The following REEP4 variants were observed in gnomAD, a reference collection of about 807,000 sequenced individuals.
The protein encoded by REEP4 is receptor expression-enhancing protein 4.
REEP4 carries 17 observed loss-of-function variants against 33.5 expected under a neutral mutation model. That is an observed-to-expected ratio of 0.51 (90% CI 0.35 to 0.76). The LOEUF is 0.76. REEP4 is among the 30% of genes least tolerant of loss of function. REEP4 has a pLI of 0.01. For synonymous variants in REEP4, 157 were observed against 142.9 expected (o/e 1.10, Z -0.70); for missense variants, 340 against 357.9 (o/e 0.95, Z 0.40).
intron 7 of REEP4, 28 bp from the exon 8 acceptor site, chr8:22,138,580 G>A (rs747540822): frequency 1.9e-6 from 3 of 1,613,928 alleles, no homozygotes; most frequent in East Asian, 2.2e-5. Flanking sequence ...ACAGCATGAG[G>A]GTGTGGGGAG....
chr8:22,140,556 G>T, intron 2 of REEP4, 69 bp downstream of exon 2: 1 of 1,375,152 alleles, frequency 7.3e-7, no homozygotes, highest in Non-Finnish European at 1.0e-6. Context: ...CCTGGAGGAG[G>T]GAGAGGCCAA....
intron 4 of REEP4, 192 bp from the exon 5 acceptor site, chr8:22,139,721 C>CA (rs1306999540): frequency 3.0e-6 from 2 of 673,290 alleles, no homozygotes; most frequent in East Asian, 5.4e-5. Context: ...CATGAGTGGC[C>CA]ATGCTCCAGC....
chr8:22,139,451 T>C lies in REEP4; in HGVS notation c.382A>G (p.Ile128Val), dbSNP rs752614324. The C allele has an allele frequency of 8.1e-6, 13 of 1,609,422 alleles. No individual in the cohort carries two copies. Among genetic ancestry groups the C allele is most frequent in the Admixed American group, 1.7e-5 (1 of 59,960 alleles). The stretch of plus-strand genomic sequence containing the variant: ...GCCTGCACAGCAGCGGAGGCGGCAA[T>C]GTTGAGGCCCCGCTTCCCGAAGCTG... ...VLSFGKRGLN[I>V]AASAAVQAAT... The change falls in exon 5 of 8, where the codon ATT becomes GTT. Residue 128 changes from isoleucine to valine, a missense_variant. By Grantham distance (29) the Ile-to-Val change is conservative (BLOSUM62 3). Transcript: ENST00000306306.
At position 22,138,495 on chromosome 8, in the gene REEP4, C is replaced by G; in HGVS notation, c.766G>C (p.Asp256His). ...GGCAGATGCAGCAGACCCTAGCTGT[C>G]CACGTCTGAGGGCACAGTCTTTTTC... ...TRKKTVPSDVDS is the reference protein window; with the variant it reads ...TRKKTVPSDVHS Residue 256 changes from aspartate (D) to histidine (H), a missense_variant, in exon 8 of 8, where the codon GAC becomes CAC. Transcript: ENST00000306306. 6.2e-7 allele frequency: 1 copy of G among 1,613,282 alleles called. No individual in the cohort carries two copies.
chr8:22,139,294 G>T (rs149660358), intron 5 of REEP4, 122 bp downstream of exon 5: 1 of 954,360 alleles, frequency 1.0e-6, no homozygotes, highest in Non-Finnish European at 1.6e-6. Flanking sequence ...ATACCCCCCC[G>T]TCACCTTCTC....
At chr8:22,139,795 T>C (rs1827197291) in intron 4 of REEP4, 168 bp downstream of exon 4, 2 of 875,332 alleles carry the variant, frequency 2.3e-6, no homozygotes, top group South Asian at 1.8e-5. Flanking sequence ...TACCCCCACC[T>C]GATTATCCCA....
At position 22,139,023 on chromosome 8, in the gene REEP4, G is replaced by A. The variant is rs1232428964; in HGVS notation, c.456C>T (p.Ser152=). Residue 152 remains serine (S), a synonymous_variant, in exon 6 of 8, where the codon TCC becomes TCT. Coordinates refer to ENST00000306306, the MANE Select transcript of REEP4 (RefSeq NM_025232.4). ...CAGAGATGGAGCGCAGGTCCTGCAT[G>A]GAGAAGCTCCGCAGCCTGCCGGCCA... ...GALAGRLRSF[S]MQDLRSISDA... is the part of the protein sequence containing the mutation. 2.5e-6 allele frequency: 4 copies of A among 1,597,588 alleles called. No homozygotes were observed. Among genetic ancestry groups the A allele is most frequent in the Admixed American group, 1.7e-5 (1 of 57,578 alleles).
rs1248343837 is a variant in REEP4, at chr8:22,138,912, C to T, written c.553+14G>A. 5 of 1,567,390 alleles carry T rather than the reference C, an allele frequency of 3.2e-6. No homozygotes were observed. Among genetic ancestry groups the T allele is most frequent in the Non-Finnish European group, 4.3e-6 (5 of 1,160,604 alleles). On this transcript the variant is annotated intron_variant, in intron 6 of 7. Coordinates refer to ENST00000306306, the MANE Select transcript of REEP4 (RefSeq NM_025232.4). ...TCCCTCCTGGCATGGCTCTGGGCCC[C>T]TCTGCCCGCTCACCAATGGGTGGCC...
intron 5 of REEP4, 129 bp downstream of exon 5, chr8:22,139,287 C>A (rs1231085400): frequency 7.6e-6 from 7 of 926,018 alleles, no homozygotes; most frequent in East Asian, 5.2e-5. Flanking sequence ...TCTGCCAATA[C>A]CCCCCCGTCA....
At chr8:22,140,726 G>C (rs377138192) in intron 1 of REEP4, 29 bp from the exon 2 acceptor site, 1 of 1,589,504 alleles carries the variant, frequency 6.3e-7, no homozygotes, top group Non-Finnish European at 8.6e-7. Context: ...GGAGTGTGAG[G>C]GGCACCATGC....
Position 22,138,155 on chromosome 8 carries a change from C to G in REEP4, c.*332G>C. 3.3e-6 allele frequency: 2 copies of G among 598,118 alleles called. No individual in the cohort carries two copies. Among genetic ancestry groups the G allele is most frequent in the Non-Finnish European group, 6.0e-6 (2 of 334,956 alleles). The allele number at this position is 598,118 out of a possible 1,614,324, so 37.1% of individuals were successfully genotyped here. A position where few individuals can be genotyped will look rare whatever the true frequency, so the allele number is the denominator to read the frequency against. On this transcript the variant is annotated 3_prime_UTR_variant, in exon 8 of 8. Coordinates refer to ENST00000306306, the MANE Select transcript of REEP4 (RefSeq NM_025232.4). Reference sequence around the variant, plus strand: ...ACTTTGAAGGACAGGAAGGAATGAACACACCCAGGTGGACGTTTGGTTTCA... The same window carrying G: ...ACTTTGAAGGACAGGAAGGAATGAAGACACCCAGGTGGACGTTTGGTTTCA...
chr8:22,141,076 T>G (rs1007341351), intron 1 of REEP4, among the ~76,000 whole-genome samples: 2 of 152,098 alleles, frequency 1.3e-5, no homozygotes, highest in South Asian at 2.1e-4. Context: ...TACTCAAAGG[T>G]GAGGAATAGG....
At position 22,141,739 on chromosome 8, in the gene REEP4, G is replaced by C. The variant is rs1338567465; in HGVS notation, c.-257C>G. On this transcript the variant is annotated 5_prime_UTR_variant, in exon 1 of 8. Coordinates refer to ENST00000306306, the MANE Select transcript of REEP4 (RefSeq NM_025232.4). ...TGGGAGCGGGCGCGCCCCGCGGCCG[G>C]GGCAGTTACAGCTCCCACCCGCCCT... 2.4e-6 allele frequency: 1 copy of C among 417,684 alleles called. No homozygotes were observed. The highest frequency in any genetic ancestry group is 4.2e-6 in the Non-Finnish European group (1 of 236,224). 25.9% of individuals were successfully genotyped at this position (417,684 alleles called of 1,614,324 possible).
At chr8:22,139,701 C>T (rs1827195640) in intron 4 of REEP4, 172 bp from the exon 5 acceptor site, 2 of 680,054 alleles carry the variant, frequency 2.9e-6, no homozygotes, top group East Asian at 5.4e-5. Flanking sequence ...CTGCCACCCG[C>T]TCACACCTCC....
chr8:22,139,915 C>A, intron 4 of REEP4, 48 bp downstream of exon 4: 1 of 1,551,786 alleles, frequency 6.4e-7, no homozygotes, highest in Non-Finnish European at 8.7e-7. Context: ...AGGGCTCTTT[C>A]CCTCATACCC....
Position 22,138,098 on chromosome 8 carries a change from C to T in REEP4, c.*389G>A, listed in dbSNP as rs759871185. 3 of 564,460 alleles carry T rather than the reference C, an allele frequency of 5.3e-6. No homozygotes were observed. The highest frequency in any genetic ancestry group is 9.6e-6 in the Non-Finnish European group (3 of 314,084). The allele number at this position is 564,460 out of a possible 1,614,324, so 35.0% of individuals were successfully genotyped here. On this transcript the variant is annotated 3_prime_UTR_variant, in exon 8 of 8. Coordinates refer to ENST00000306306, the MANE Select transcript of REEP4 (RefSeq NM_025232.4). Reference sequence around the variant, plus strand: ...AACACACACACACACAACCAGGACACATGTGCCAGGCCTTATGAAAGGCTA... The same window carrying T: ...AACACACACACACACAACCAGGACATATGTGCCAGGCCTTATGAAAGGCTA...
chr8:22,139,766 C>T, intron 4 of REEP4, 197 bp downstream of exon 4: 3 of 767,716 alleles, frequency 3.9e-6, no homozygotes, highest in Non-Finnish European at 2.1e-6. Context: ...AATTTCCATC[C>T]TCAAAGGTCA....
At chr8:22,141,145 C>T (rs1441090277) in intron 1 of REEP4, among the ~76,000 whole-genome samples, 2 of 152,258 alleles carry the variant, frequency 1.3e-5, no homozygotes, top group Non-Finnish European at 2.9e-5. Flanking sequence ...CCGCCCACAA[C>T]GTGCCATATC....
At position 22,138,756 on chromosome 8, in the gene REEP4, C is replaced by T. The variant is rs370853493; in HGVS notation, c.591G>A (p.Glu197=). The change falls in exon 7 of 8, where the codon GAG becomes GAA. Residue 197 remains glutamate (E), a synonymous_variant. Coordinates refer to ENST00000306306, the MANE Select transcript of REEP4 (RefSeq NM_025232.4). Reference sequence around the variant, plus strand: ...CCTCAGTATCTGACCAACACTCATCCTCGGTGTCGCTGTCCTGCAGGCCCC... The same window carrying T: ...CCTCAGTATCTGACCAACACTCATCTTCGGTGTCGCTGTCCTGCAGGCCCC... ...RAGGLQDSDT[E]DECWSDTEAV... 3.7e-6 allele frequency: 6 copies of T among 1,609,486 alleles called. No individual in the cohort carries two copies. In the African/African-American group the frequency reaches 6.7e-5, roughly 18 times the overall value.
Sources: allele counts gnomAD v4.1 joint callset (sites outside exome capture counted in the v4.1 genomes callset), GRCh38; gene constraint gnomAD v4.1.1; transcripts MANE v1.5; gene names NCBI Gene and HGNC (gene_info 2026-07-23, HGNC 2026-07-21).